UBE2N: variants seen among roughly 807,000 people sequenced by gnomAD.
The protein encoded by UBE2N is ubiquitin conjugating enzyme E2 N.
For synonymous variants in UBE2N, 70 were observed against 69.2 expected (o/e 1.01, Z -0.06); for missense variants, 60 against 192.1 (o/e 0.31, Z 4.07).
chr12:93,440,354 C>T (rs1228693153), intron 1 of UBE2N, among the ~76,000 whole-genome samples: 1 of 152,128 alleles, frequency 6.6e-6, no homozygotes, highest in African/African-American at 2.4e-5. Flanking sequence ...TAGATAAATC[C>T]ACACACAACA....
At chr12:93,430,176 A>G (rs537210713) in intron 1 of UBE2N, among the ~76,000 whole-genome samples, 3 of 152,336 alleles carry the variant, frequency 2.0e-5, no homozygotes, top group Admixed American at 2.0e-4. Flanking sequence ...TTTGATACAC[A>G]CATACTTACC....
chr12:93,426,559 C>A (rs1327822020), intron 1 of UBE2N, among the ~76,000 whole-genome samples: 19 of 151,982 alleles, frequency 1.3e-4, no homozygotes, highest in Admixed American at 1.2e-3. Context: ...GCTAAAAAAA[C>A]CCTATAAAAC....
chr12:93,428,561 A>G (rs545289475), intron 1 of UBE2N, among the ~76,000 whole-genome samples: 1 of 152,320 alleles, frequency 6.6e-6, no homozygotes, highest in East Asian at 1.9e-4. Flanking sequence ...GTATGATTTT[A>G]CTTTTGTCTC....
chr12:93,405,946 GGTT>G lies in UBE2N; in HGVS notation c.*4090_*4092del, dbSNP rs1877788723. 1 of 152,036 alleles carries G rather than the reference GGTT, an allele frequency of 6.6e-6. No individual in the cohort carries two copies. The allele number at this position is 152,036 out of a possible 1,614,324, so 9.4% of individuals were successfully genotyped here. A position where few individuals can be genotyped will look rare whatever the true frequency, so the allele number is the denominator to read the frequency against. On this transcript the variant is annotated 3_prime_UTR_variant, in exon 4 of 4. Transcript: ENST00000318066. ...TTTTTTGGCCAGCTTTTCTAGATAAGGTTGTATTGCTACTGCAACTAACAAAAA... is the reference window on the plus strand; with the variant it reads ...TTTTTTGGCCAGCTTTTCTAGATAAGGTATTGCTACTGCAACTAACAAAAA...
At chr12:93,417,135 G>A (rs1392223778) in intron 1 of UBE2N, among the ~76,000 whole-genome samples, 1 of 152,160 alleles carries the variant, frequency 6.6e-6, no homozygotes, top group Non-Finnish European at 1.5e-5. Flanking sequence ...GGATTTAAAT[G>A]TCCACAAAAT....
At chr12:93,423,636 A>G (rs570369646) in intron 1 of UBE2N, among the ~76,000 whole-genome samples, 3 of 152,344 alleles carry the variant, frequency 2.0e-5, no homozygotes, top group South Asian at 2.1e-4. Flanking sequence ...AATTGTACCA[A>G]TGTGATATGT....
intron 1 of UBE2N, among the ~76,000 whole-genome samples, chr12:93,427,619 A>G (rs893285321): frequency 6.6e-6 from 1 of 152,226 alleles, no homozygotes; most frequent in Non-Finnish European, 1.5e-5. Flanking sequence ...GCTAATGAGC[A>G]CAGGGTTTTT....
chr12:93,431,049 A>C (rs1273688383), intron 1 of UBE2N, among the ~76,000 whole-genome samples: 1 of 151,978 alleles, frequency 6.6e-6, no homozygotes, highest in Non-Finnish European at 1.5e-5. Context: ...CAACATGGTG[A>C]AACCCCGTCT....
chr12:93,410,495 T>C lies in UBE2N; in HGVS notation c.418+239A>G, dbSNP rs59058996. 9.5e-3 allele frequency: 5,726 copies of C among 604,498 alleles called. 257 individuals are homozygous for C. The African/African-American group carries it at 0.096, about 10-fold the overall frequency. 37.4% of individuals were successfully genotyped at this position (604,498 alleles called of 1,614,324 possible). On this transcript the variant is annotated intron_variant, in intron 3 of 3. Coordinates refer to ENST00000318066, the MANE Select transcript of UBE2N (RefSeq NM_003348.4). ...TAGATAAATGGTATGCACTCAGTAT[T>C]TGTTAAACCAGGTGTAGTTACAAGA...
At chr12:93,422,965 G>A (rs1456010554) in intron 1 of UBE2N, among the ~76,000 whole-genome samples, 1 of 152,134 alleles carries the variant, frequency 6.6e-6, no homozygotes, top group East Asian at 1.9e-4. Context: ...TCACACAAAA[G>A]GACTGCCTGG....
chr12:93,426,652 G>C, intron 1 of UBE2N, among the ~76,000 whole-genome samples: 1 of 152,052 alleles, frequency 6.6e-6, no homozygotes, highest in Non-Finnish European at 1.5e-5. Context: ...TCCTGGGCTG[G>C]GCCAGGCCAG....
chr12:93,417,957 G>A (rs1268040165), intron 1 of UBE2N, among the ~76,000 whole-genome samples: 2 of 152,260 alleles, frequency 1.3e-5, no homozygotes, highest in African/African-American at 4.8e-5. Flanking sequence ...AGTTACTTAT[G>A]AGAATCTGCA....
chr12:93,425,698 G>C (rs1345339396), intron 1 of UBE2N, among the ~76,000 whole-genome samples: 1 of 152,128 alleles, frequency 6.6e-6, no homozygotes, highest in African/African-American at 2.4e-5. Flanking sequence ...CAAAGAGCAG[G>C]AGTATGCAGA....
chr12:93,438,541 C>T (rs1879005200), intron 1 of UBE2N, among the ~76,000 whole-genome samples: 1 of 151,652 alleles, frequency 6.6e-6, no homozygotes, highest in Non-Finnish European at 1.5e-5. Flanking sequence ...CAGAAGTAGG[C>T]ATCCCAAATG....
At chr12:93,411,880 G>A (rs1336483589) in intron 1 of UBE2N, among the ~76,000 whole-genome samples, 2 of 152,066 alleles carry the variant, frequency 1.3e-5, no homozygotes, top group Admixed American at 1.3e-4. Context: ...TTTTAGTAGA[G>A]ACGGTATCAC....
At chr12:93,441,469 C>G in intron 1 of UBE2N, among the ~76,000 whole-genome samples, 1 of 152,196 alleles carries the variant, frequency 6.6e-6, no homozygotes, top group Middle Eastern at 3.4e-3. Context: ...ACCAGGCGCC[C>G]GAGCCCCGCC....
intron 1 of UBE2N, among the ~76,000 whole-genome samples, chr12:93,439,157 C>A (rs1054000155): frequency 6.6e-6 from 1 of 152,220 alleles, no homozygotes; most frequent in Admixed American, 6.5e-5. Context: ...AATGCTAACA[C>A]TGATGTTATA....
At chr12:93,429,311 G>A in intron 1 of UBE2N, 1 of 417,162 alleles carries the variant, frequency 2.4e-6, no homozygotes, top group Non-Finnish European at 4.6e-6. Context: ...AACTCAACTT[G>A]ATATATAAAT....
At chr12:93,432,702 A>G (rs562685727) in intron 1 of UBE2N, among the ~76,000 whole-genome samples, 21 of 152,260 alleles carry the variant, frequency 1.4e-4, no homozygotes, top group African/African-American at 4.8e-4. Context: ...ACTGACAGAG[A>G]CATAATGTGA....
Sources: gnomAD v4.1 joint callset for allele counts (sites outside exome capture counted in the v4.1 genomes callset) on GRCh38, gnomAD v4.1.1 for gene constraint, MANE v1.5 for transcripts, NCBI Gene and HGNC (gene_info 2026-07-23, HGNC 2026-07-21) for gene names.